HRH1: variants seen among roughly 807,000 people sequenced by gnomAD.
HRH1 encodes histamine H1 receptor.
In HRH1, 6 loss-of-function variants were observed where a neutral mutation model predicts 10.3. That is an observed-to-expected ratio of 0.58 (90% confidence interval 0.32 to 1.15). HRH1 has a LOEUF of 1.15. Among genes scored for constraint, HRH1 ranks in the 50% most tolerant of loss-of-function variants. The pLI is 0.05. For missense variants in HRH1, 514 were observed against 615.3 expected (o/e 0.84, Z 1.74); for synonymous variants, 242 against 236.7 (o/e 1.02, Z -0.21).
chr3:11,150,068 T>C (rs73814526), upstream of HRH1, among the ~76,000 whole-genome samples: 4,175 of 152,360 alleles, frequency 0.027, 175 homozygotes, highest in African/African-American at 0.084. Context: ...CTCATTGTGA[T>C]CTTTTAATAA....
Position 11,259,361 on chromosome 3 carries a change from T to C in HRH1, c.324T>C (p.Tyr108=). 6.2e-7 allele frequency: 1 copy of C among 1,613,866 alleles called. No homozygotes were observed. The highest frequency in any genetic ancestry group is 1.1e-5 in the South Asian group (1 of 91,056). The change falls in exon 2 of 2, where the codon TAT becomes TAC. Residue 108 remains tyrosine (Y), a synonymous_variant. Transcript: ENST00000431010. The surrounding 1 kb of genome is among the most constrained non-coding windows in gnomAD (Gnocchi z 4.6). ...PLCLFWLSMD[Y]VASTASIFSV... is the part of the protein sequence containing the mutation. Reference sequence around the variant, plus strand: ...GCCTCTTTTGGCTTTCCATGGACTATGTGGCCAGCACAGCGTCCATTTTCA... The same window carrying C: ...GCCTCTTTTGGCTTTCCATGGACTACGTGGCCAGCACAGCGTCCATTTTCA...
intron 1 of HRH1, among the ~76,000 whole-genome samples, chr3:11,204,676 C>T (rs942332901): frequency 3.9e-5 from 6 of 152,182 alleles, no homozygotes; most frequent in African/African-American, 1.4e-4. Context: ...AACACACACG[C>T]GATCACCTTT....
chr3:11,151,977 G>A (rs1342382383), upstream of HRH1, among the ~76,000 whole-genome samples: 7 of 152,128 alleles, frequency 4.6e-5, no homozygotes, highest in Non-Finnish European at 8.8e-5. Flanking sequence ...AGGCATTGAG[G>A]TTGTCCCTTT....
chr3:11,197,838 C>T (rs1295857246), intron 1 of HRH1, among the ~76,000 whole-genome samples: 4 of 152,182 alleles, frequency 2.6e-5, no homozygotes, highest in African/African-American at 9.6e-5. Context: ...CCAGCATTAA[C>T]TCTTGGGAAC....
At chr3:11,179,006 G>A (rs1002084056) in intron 1 of HRH1, among the ~76,000 whole-genome samples, 2 of 152,088 alleles carry the variant, frequency 1.3e-5, no homozygotes, top group African/African-American at 2.4e-5. Context: ...AAAGTCAGCC[G>A]GGGGGACACA....
chr3:11,192,966 T>G (rs1310185963), intron 1 of HRH1, among the ~76,000 whole-genome samples: 3 of 152,230 alleles, frequency 2.0e-5, no homozygotes, highest in Non-Finnish European at 4.4e-5. Context: ...AGAGAAGCTA[T>G]GGCTCAGTCA....
chr3:11,239,375 A>G (rs1376111452), intron 1 of HRH1, among the ~76,000 whole-genome samples: 1 of 152,126 alleles, frequency 6.6e-6, no homozygotes, highest in Admixed American at 6.5e-5. Context: ...TCTTCTTATG[A>G]TTGAGTTGGA....
rs111275947 is a variant in HRH1 at position 11,227,286 on chromosome 3, C to CT, written c.-35-31702dup. ...CATTTGCCTATGGGGTGATTAAGATCTTTTTTTTTTTTTTTCCTCAGGCGG... is the reference window on the plus strand; with the variant it reads ...CATTTGCCTATGGGGTGATTAAGATCTTTTTTTTTTTTTTTTCCTCAGGCGG... On this transcript the variant is annotated intron_variant, in intron 1 of 1. Transcript: ENST00000431010. Among the ~76,000 whole-genome samples the CT allele has an allele frequency of 3.9e-3, 564 of 142,792 alleles. 1 individual carries two copies. The highest frequency in any genetic ancestry group is 7.3e-3 in the East Asian group (36 of 4,900). The allele number at this position is 142,792 out of a possible 152,430, so 93.7% of individuals were successfully genotyped here.
intron 1 of HRH1, among the ~76,000 whole-genome samples, chr3:11,196,408 G>C (rs1048065382): frequency 2.0e-5 from 3 of 151,880 alleles, no homozygotes; most frequent in Non-Finnish European, 4.4e-5. Flanking sequence ...GTGATTCCTT[G>C]ATTTTTTTTT....
intron 1 of HRH1, among the ~76,000 whole-genome samples, chr3:11,172,704 C>CTTTTTTTTTTTTTTTT (rs537415650): frequency 7.6e-6 from 1 of 130,928 alleles, no homozygotes; most frequent in African/African-American, 3.0e-5. Context: ...TTTGGCGAAT[C>CTTTTTTTTTTTTTTTT]TTTTTTTTTT....
intron 1 of HRH1, among the ~76,000 whole-genome samples, chr3:11,190,521 G>A (rs1271011607): frequency 1.3e-5 from 2 of 151,928 alleles, no homozygotes; most frequent in African/African-American, 2.4e-5. Flanking sequence ...CTCCTGAGTA[G>A]CTGGGACTAC....
upstream of HRH1, among the ~76,000 whole-genome samples, chr3:11,151,862 G>A (rs1936636210): frequency 6.6e-6 from 1 of 152,186 alleles, no homozygotes; most frequent in Admixed American, 6.5e-5. Context: ...ACATACAGAT[G>A]AGGAAACTGA....
intron 1 of HRH1, among the ~76,000 whole-genome samples, chr3:11,237,947 A>T (rs572012260): frequency 6.6e-6 from 1 of 152,138 alleles, no homozygotes; most frequent in Admixed American, 6.5e-5. Flanking sequence ...AAGTGCTGGG[A>T]TTGTAGGCGT....
intron 1 of HRH1, among the ~76,000 whole-genome samples, chr3:11,218,733 C>G (rs907721636): frequency 2.0e-5 from 3 of 151,780 alleles, no homozygotes; most frequent in African/African-American, 4.8e-5. Flanking sequence ...GGCCACCACG[C>G]CCAGCTAATT....
intron 1 of HRH1, among the ~76,000 whole-genome samples, chr3:11,257,844 T>G: frequency 6.6e-6 from 1 of 152,078 alleles, no homozygotes; most frequent in East Asian, 1.9e-4. Flanking sequence ...AAGACAGGAT[T>G]CCACTGTGTT....
intron 1 of HRH1, among the ~76,000 whole-genome samples, chr3:11,156,108 A>T (rs1278077669): frequency 6.6e-6 from 1 of 152,224 alleles, no homozygotes; most frequent in Admixed American, 6.5e-5. Context: ...AAAGCCAGGC[A>T]GCAGGTCCAC....
intron 1 of HRH1, among the ~76,000 whole-genome samples, chr3:11,166,876 A>T (rs542147282): frequency 3.5e-5 from 4 of 115,598 alleles, no homozygotes; most frequent in South Asian, 5.8e-4. Flanking sequence ...TGTCCCCTGG[A>T]TTCTCCAGGC....
intron 1 of HRH1, among the ~76,000 whole-genome samples, chr3:11,192,279 C>A (rs868165792): frequency 6.6e-6 from 1 of 152,218 alleles, no homozygotes; most frequent in African/African-American, 2.4e-5. Context: ...CTCATGCCCC[C>A]TTCCAGGGCA....
At chr3:11,138,180 A>ATTTTTTTTTTTTTT (rs746775307) in intron 1 of HRH1, among the ~76,000 whole-genome samples, 39 of 135,506 alleles carry the variant, frequency 2.9e-4, no homozygotes, top group East Asian at 8.8e-4. Context: ...ACGTTTGGCT[A>ATTTTTTTTTTTTTT]TTTTTTTTTT....
Sources: allele counts gnomAD v4.1 joint callset (sites outside exome capture counted in the v4.1 genomes callset), GRCh38; gene constraint gnomAD v4.1.1; non-coding constraint Gnocchi (gnomAD v3.1); transcripts MANE v1.5; gene names NCBI Gene and HGNC (gene_info 2026-07-23, HGNC 2026-07-21).